Variants in RAB36 observed in about 807,000 individuals in gnomAD.
RAB36 encodes the protein RAB36, member RAS oncogene family.
RAB36 carries 33 observed loss-of-function variants against 39.3 expected under a neutral mutation model. That is an observed-to-expected ratio of 0.84 (90% confidence interval 0.64 to 1.12). The LOEUF (loss-of-function observed/expected upper bound fraction) is 1.12. Ranked by LOEUF, RAB36 falls within the 50% of genes most tolerant of loss-of-function variation. The pLI, the probability that RAB36 is intolerant of heterozygous loss-of-function variation, is 0.00. For missense variants in RAB36, 308 were observed against 355.3 expected (o/e 0.87, Z 1.07); for synonymous variants, 133 against 140.2 (o/e 0.95, Z 0.36).
chr22:23,167,933 A>G (rs555988104), downstream of RAB36, among the ~76,000 whole-genome samples: 3 of 152,008 alleles, frequency 2.0e-5, no homozygotes, highest in Non-Finnish European at 4.4e-5. Flanking sequence ...GCTCAGTGCA[A>G]CTTTCCATCA....
rs200072747 is a variant in RAB36 at position 23,155,978 on chromosome 22, G to A, written c.340G>A (p.Ala114Thr). ...TCACCCACCTCACAGCTGGGACACA[G>A]CTGGGCAGGAGAAGTTCAAGTGCAT... is the stretch of plus-strand genomic sequence containing the variant. ...IPYSLQIWDT[A>T]GQEKFKCIAS... The change falls in exon 6 of 11, where the codon GCT becomes ACT. Residue 114 changes from alanine to threonine, a missense_variant. Ala to Thr is a moderately conservative substitution (Grantham distance 58, BLOSUM62 0). Transcript: ENST00000263116. 1.2e-6 allele frequency: 2 copies of A among 1,612,062 alleles called. No homozygotes were observed. The highest frequency in any genetic ancestry group is 1.7e-6 in the Non-Finnish European group (2 of 1,179,040).
At position 23,163,606 on chromosome 22, in the gene RAB36, G is replaced by GCCCCCCCCCCCCCCCCCCCCCCCCA. The variant is rs71744650; in HGVS notation, c.*2052_*2053insCCCCCCCCCCCCCCACCCCCCCCCC. The GCCCCCCCCCCCCCCCCCCCCCCCCA allele has an allele frequency of 8.0e-6, 1 of 125,234 alleles. No individual in the cohort carries two copies. Among genetic ancestry groups the GCCCCCCCCCCCCCCCCCCCCCCCCA allele is most frequent in the African/African-American group, 2.7e-5 (1 of 36,394 alleles). 7.8% of individuals were successfully genotyped at this position (125,234 alleles called of 1,614,324 possible). On this transcript the variant is annotated 3_prime_UTR_variant, in exon 11 of 11. Coordinates refer to ENST00000263116, the MANE Select transcript of RAB36 (RefSeq NM_004914.5). ...AAAGCATATAAAATACAAGGTGAAA[G>GCCCCCCCCCCCCCCCCCCCCCCCCA]CCCCCCCCCCGCCACATTAGCTGCG... is the stretch of plus-strand genomic sequence containing the variant.
chr22:23,157,947 C>T, intron 6 of RAB36, 45 bp from the exon 7 acceptor site: 1 of 1,612,630 alleles, frequency 6.2e-7, no homozygotes, highest in African/African-American at 1.3e-5. Context: ...CCCTTGCTCG[C>T]CTCGCCTGGC....
At chr22:23,168,339 C>T (rs1004230957), downstream of RAB36, among the ~76,000 whole-genome samples, 7 of 152,126 alleles carry the variant, frequency 4.6e-5, no homozygotes, top group South Asian at 1.4e-3. Flanking sequence ...GAGGGGACTG[C>T]AGAGAGACAC....
intron 5 of RAB36, 83 bp from the exon 6 acceptor site, chr22:23,155,885 C>T: frequency 7.6e-7 from 1 of 1,311,330 alleles, no homozygotes; most frequent in South Asian, 1.4e-5. Context: ...GTCTCCCACC[C>T]ATGGTCCCGT....
rs147923420 is a variant in RAB36, at chr22:23,162,367, TAAC to T, written c.*804_*806del. 1,714 of 336,516 alleles carry T rather than the reference TAAC, an allele frequency of 5.1e-3. 31 individuals are homozygous for T. Among genetic ancestry groups the T allele is most frequent in the African/African-American group, 0.034 (1,602 of 46,586 alleles). The allele number at this position is 336,516 out of a possible 1,614,324, so 20.8% of individuals were successfully genotyped here. A position where few individuals can be genotyped will look rare whatever the true frequency, so the allele number is the denominator to read the frequency against. The stretch of plus-strand genomic sequence containing the variant: ...GGCAGACTGCACAGCTGTCCTAGGG[TAAC>T]TCACTCTGCAGCCCTTGAACATGGC... On this transcript the variant is annotated 3_prime_UTR_variant, in exon 11 of 11. Transcript: ENST00000263116.
rs1381560867 is a variant in RAB36, at chr22:23,163,025, C to A, written c.*1461C>A. 5.9e-5 allele frequency: 17 copies of A among 290,440 alleles called. No individual in the cohort carries two copies. In the East Asian group the frequency reaches 1.7e-3, roughly 29 times the overall value. The allele number at this position is 290,440 out of a possible 1,614,324, so 18.0% of individuals were successfully genotyped here. ...CTCCCAGGTTGAAGCGATTCTCCTG[C>A]CTCAGCCTCCCAAGTAGCTGGGATT... On this transcript the variant is annotated 3_prime_UTR_variant, in exon 11 of 11. Coordinates refer to ENST00000263116, the MANE Select transcript of RAB36 (RefSeq NM_004914.5).
intron 7 of RAB36, among the ~76,000 whole-genome samples, 165 bp from the exon 8 acceptor site, chr22:23,158,733 C>T (rs938548495): frequency 5.3e-5 from 8 of 152,230 alleles, no homozygotes; most frequent in Non-Finnish European, 8.8e-5. Flanking sequence ...CAACGCCCTT[C>T]CGGCTGGAGG....
rs1362147319 is a variant in RAB36 at position 23,159,237 on chromosome 22, A to G, written c.603A>G (p.Ser201=). 1 of 1,596,790 alleles carries G rather than the reference A, an allele frequency of 6.3e-7. No individual in the cohort carries two copies. Among genetic ancestry groups the G allele is most frequent in the Non-Finnish European group, 8.5e-7 (1 of 1,172,086 alleles). The part of the protein sequence containing the change: ...LAREMQAEYW[S]VSAKTGENVK... ...GGGAGATGCAGGCCGAGTACTGGTC[A>G]GTGTCGGCCAAGACTGGTGAGTGGG... is the stretch of plus-strand genomic sequence containing the variant. The change falls in exon 9 of 11, where the codon TCA becomes TCG. Residue 201 remains serine (S), a synonymous_variant. Coordinates refer to ENST00000263116, the MANE Select transcript of RAB36 (RefSeq NM_004914.5).
Position 23,153,132 on chromosome 22 carries a change from G to C in RAB36, c.327G>C (p.Gln109His). 1.2e-6 allele frequency: 2 copies of C among 1,613,250 alleles called. No individual in the cohort carries two copies. Among genetic ancestry groups the C allele is most frequent in the Non-Finnish European group, 1.7e-6 (2 of 1,179,248 alleles). Residue 109 changes from glutamine (Q) to histidine (H), a missense_variant and splice_region_variant, in exon 5 of 11, where the codon CAG becomes CAC. Coordinates refer to ENST00000263116, the MANE Select transcript of RAB36 (RefSeq NM_004914.5). ...TTGCTGGGATTCCCTATAGCCTCCAGATGTAAGTTGCTGGTTCCCCCATGG... is the reference window on the plus strand; with the variant it reads ...TTGCTGGGATTCCCTATAGCCTCCACATGTAAGTTGCTGGTTCCCCCATGG... ...FEIAGIPYSL[Q>H]IWDTAGQEKF...
At chr22:23,166,728 G>T (rs1328951226), downstream of RAB36, among the ~76,000 whole-genome samples, 1 of 151,960 alleles carries the variant, frequency 6.6e-6, no homozygotes, top group Non-Finnish European at 1.5e-5. Flanking sequence ...GTTGTTAACT[G>T]GTGCTCTACA....
chr22:23,150,675 G>A (rs998062393), intron 3 of RAB36, among the ~76,000 whole-genome samples: 28 of 152,210 alleles, frequency 1.8e-4, no homozygotes, highest in African/African-American at 4.8e-4. Context: ...TCTAAGTCAC[G>A]CAGGTGATTT....
chr22:23,152,596 C>T lies in RAB36; in HGVS notation c.227+70C>T, dbSNP rs186384282. Reference sequence around the variant, plus strand: ...GGTTGTCATACCTTTGCCTGGGTGGCCCAGATAATATCAACATAGCAGAAA... The same window carrying T: ...GGTTGTCATACCTTTGCCTGGGTGGTCCAGATAATATCAACATAGCAGAAA... On this transcript the variant is annotated intron_variant, in intron 4 of 10. Transcript: ENST00000263116. The T allele has an allele frequency of 5.6e-6, 8 of 1,432,738 alleles. No individual in the cohort carries two copies. The East Asian group carries it at 1.6e-4, about 29-fold the overall frequency. The allele number at this position is 1,432,738 out of a possible 1,614,324, so 88.8% of individuals were successfully genotyped here. A position where few individuals can be genotyped will look rare whatever the true frequency, so the allele number is the denominator to read the frequency against.
In RAB36 at chr22:23,165,293, C is replaced by T. The variant is rs901767235; in HGVS notation, c.*3729C>T. Among the ~76,000 whole-genome samples the T allele has an allele frequency of 6.6e-6, 1 of 152,240 alleles. No homozygotes were observed. Among genetic ancestry groups the T allele is most frequent in the Non-Finnish European group, 1.5e-5 (1 of 68,034 alleles). On this transcript the variant is annotated 3_prime_UTR_variant, in exon 11 of 11. Coordinates refer to ENST00000263116, the MANE Select transcript of RAB36 (RefSeq NM_004914.5). Reference sequence around the variant, plus strand: ...CCCAGATGCCACCACACGAAACTTACACCTGCCTGGGGAACAATCCTGTGC... The same window carrying T: ...CCCAGATGCCACCACACGAAACTTATACCTGCCTGGGGAACAATCCTGTGC...
intron 9 of RAB36, 56 bp from the exon 10 acceptor site, chr22:23,160,823 C>T (rs1022240669): frequency 1.7e-5 from 27 of 1,581,358 alleles, no homozygotes; most frequent in Non-Finnish European, 2.3e-5. Flanking sequence ...CACCCAGATG[C>T]ATTAAGGGGC....
At chr22:23,146,568 A>G (rs756878386) in intron 1 of RAB36, 37 bp from the exon 2 acceptor site, 1 of 1,606,278 alleles carries the variant, frequency 6.2e-7, no homozygotes, top group East Asian at 2.2e-5. Context: ...GTATTTGCAC[A>G]GCTCCTTAAC....
intron 6 of RAB36, among the ~76,000 whole-genome samples, chr22:23,156,812 G>A (rs549234903): frequency 7.2e-5 from 11 of 152,100 alleles, no homozygotes; most frequent in East Asian, 1.9e-4. Context: ...TCGCCTCTTC[G>A]GGCCTCTCCT....
chr22:23,154,913 G>A (rs552396479), intron 5 of RAB36, among the ~76,000 whole-genome samples: 88 of 152,302 alleles, frequency 5.8e-4, no homozygotes, highest in East Asian at 2.7e-3. Context: ...ATCACCTGAG[G>A]TCAGGAGTTC....
At chr22:23,146,469 C>G in intron 1 of RAB36, 136 bp from the exon 2 acceptor site, 5 of 1,367,768 alleles carry the variant, frequency 3.7e-6, no homozygotes, top group Non-Finnish European at 4.8e-6. Flanking sequence ...ACCTTGGCCT[C>G]CCAAAGTGCT....
Sources: gnomAD v4.1 joint callset for allele counts (sites outside exome capture counted in the v4.1 genomes callset) on GRCh38, gnomAD v4.1.1 for gene constraint, MANE v1.5 for transcripts, NCBI Gene and HGNC (gene_info 2026-07-23, HGNC 2026-07-21) for gene names.